Variants in FUCA1 observed in about 807,000 individuals in gnomAD.
The protein encoded by FUCA1 is tissue alpha-L-fucosidase.
A neutral mutation model predicts 56.8 loss-of-function variants in FUCA1; 52 were observed. That is an observed-to-expected ratio of 0.92 (90% confidence interval 0.73 to 1.15). The LOEUF is 1.15. FUCA1 is among the 50% of genes most tolerant of loss of function. FUCA1 has a pLI of 0.00. For synonymous variants in FUCA1, 230 were observed against 226.6 expected, an observed-to-expected ratio of 1.02 and a Z score of -0.14; for missense variants, 568 against 592.6, an observed-to-expected ratio of 0.96 and a Z score of 0.43.
At chr1:23,856,640 G>C (rs1370129489) in intron 4 of FUCA1, among the ~76,000 whole-genome samples, 3 of 152,210 alleles carry the variant, frequency 2.0e-5, no homozygotes, top group Non-Finnish European at 4.4e-5. Context: ...CGAAGCTACT[G>C]TGAAGATGGG....
intron 3 of FUCA1, among the ~76,000 whole-genome samples, chr1:23,862,126 C>G (rs552944680): frequency 6.6e-6 from 1 of 152,282 alleles, no homozygotes; most frequent in African/African-American, 2.4e-5. Context: ...ACAATTGTTA[C>G]TATTTTCTTA....
At chr1:23,848,213 GC>G (rs1319147615) in intron 6 of FUCA1, among the ~76,000 whole-genome samples, 1 of 151,916 alleles carries the variant, frequency 6.6e-6, no homozygotes, top group Non-Finnish European at 1.5e-5. Flanking sequence ...TTTGTGCCTG[GC>G]ACTCATCTCA....
rs1349221851 is a variant in FUCA1 at position 23,846,108 on chromosome 1, T to A, written c.1226A>T (p.Asn409Ile). Reference protein sequence around the residue: ...FLHWPENGVLNLESPITTSTT... With the variant: ...FLHWPENGVLILESPITTSTT... The stretch of plus-strand genomic sequence containing the variant: ...TGAGGTAGTTATGGGGGATTCAAGG[T>A]TTAAGACTCCATTTTCTGGCCAGTG... The change falls in exon 7 of 8, where the codon AAC becomes ATC. Residue 409 changes from asparagine (N) to isoleucine (I), a missense_variant. By Grantham distance (149) the Asn-to-Ile change is moderately radical (BLOSUM62 -3). Transcript: ENST00000374479. The A allele has an allele frequency of 6.2e-7, 1 of 1,614,108 alleles. No homozygotes were observed. Among genetic ancestry groups the A allele is most frequent in the Admixed American group, 1.7e-5 (1 of 60,014 alleles).
At chr1:23,846,701 G>C (rs970407851) in intron 6 of FUCA1, among the ~76,000 whole-genome samples, 1 of 151,844 alleles carries the variant, frequency 6.6e-6, no homozygotes, top group Admixed American at 6.6e-5. Flanking sequence ...CCTGCCTCAG[G>C]CTCCTGAGTA....
chr1:23,850,316 CAA>C (rs11425085), intron 5 of FUCA1, among the ~76,000 whole-genome samples: 14,901 of 129,424 alleles, frequency 0.12, 820 homozygotes, highest in East Asian at 0.21. Flanking sequence ...AATTCCATCT[CAA>C]AAAAAAAAAA....
At chr1:23,851,135 C>T (rs755670444) in intron 5 of FUCA1, among the ~76,000 whole-genome samples, 13 of 151,842 alleles carry the variant, frequency 8.6e-5, no homozygotes, top group Admixed American at 6.6e-4. Flanking sequence ...TTAAATTTGT[C>T]AACATTTTTA....
Position 23,851,403 on chromosome 1 carries a change from TAC to T in FUCA1, c.970-2566_970-2565del, listed in dbSNP as rs1285162641. ...ATATACACATACATACATACATACA[TAC>T]ATACATACATACATACATACATACA... is the stretch of plus-strand genomic sequence containing the variant. On this transcript the variant is annotated intron_variant, in intron 5 of 7. Coordinates refer to ENST00000374479, the MANE Select transcript of FUCA1 (RefSeq NM_000147.5). 2.3e-3 allele frequency among the ~76,000 whole-genome samples: 347 copies of T among 151,934 alleles called. 2 individuals are homozygous for T. Among genetic ancestry groups the T allele is most frequent in the African/African-American group, 8.0e-3 (333 of 41,426 alleles).
At chr1:23,846,571 CCTT>C (rs1557504945) in intron 6 of FUCA1, among the ~76,000 whole-genome samples, 3 of 149,852 alleles carry the variant, frequency 2.0e-5, no homozygotes, top group African/African-American at 7.4e-5. Context: ...GCACTCAGCT[CCTT>C]ATTTATTTTT....
chr1:23,858,257 T>TG (rs1639435221), intron 4 of FUCA1, among the ~76,000 whole-genome samples: 1 of 150,440 alleles, frequency 6.6e-6, no homozygotes. Flanking sequence ...TTAGTAGAGA[T>TG]GGGGTTTCAC....
In FUCA1 at chr1:23,845,614, G is replaced by A. The variant is rs1213515182; in HGVS notation, c.*101C>T. The A allele has an allele frequency of 2.1e-6, 3 of 1,402,938 alleles. No homozygotes were observed. In the African/African-American group the frequency reaches 4.3e-5, roughly 20 times the overall value. 86.9% of individuals were successfully genotyped at this position (1,402,938 alleles called of 1,614,324 possible). ...AATGTGTTGGAAAAGCCATCTCTGG[G>A]TGGAGAAGAGAAGTTCGTTGATTAT... On this transcript the variant is annotated 3_prime_UTR_variant, in exon 8 of 8. Coordinates refer to ENST00000374479, the MANE Select transcript of FUCA1 (RefSeq NM_000147.5).
chr1:23,863,547 A>G (rs1285509401), intron 2 of FUCA1, among the ~76,000 whole-genome samples: 2 of 152,198 alleles, frequency 1.3e-5, no homozygotes, highest in Non-Finnish European at 2.9e-5. Context: ...TTTTAAGTCA[A>G]TTATCCCAAC....
chr1:23,865,023 G>A (rs1639594885), intron 2 of FUCA1, among the ~76,000 whole-genome samples: 1 of 152,136 alleles, frequency 6.6e-6, no homozygotes, highest in Admixed American at 6.6e-5. Flanking sequence ...TAAAGATCCA[G>A]ACAGTGTTTT....
rs576200685 is a variant in FUCA1 at position 23,845,467 on chromosome 1, G to C, written c.*248C>G. On this transcript the variant is annotated 3_prime_UTR_variant, in exon 8 of 8. Coordinates refer to ENST00000374479, the MANE Select transcript of FUCA1 (RefSeq NM_000147.5). ...ATAATTTCCAAATATTACAATTGAT[G>C]AACTCAGAGTTCAACTGCTCAGTTC... 4.0e-4 allele frequency: 217 copies of C among 549,098 alleles called. 1 individual carries two copies. The highest frequency in any genetic ancestry group is 3.5e-3 in the African/African-American group (187 of 52,892). The allele number at this position is 549,098 out of a possible 1,614,324, so 34.0% of individuals were successfully genotyped here.
chr1:23,868,261 C>T lies in FUCA1; in HGVS notation c.26G>A (p.Arg9Gln), dbSNP rs567536324. 9.6e-6 allele frequency: 15 copies of T among 1,556,858 alleles called. No homozygotes were observed. The South Asian group carries it at 1.5e-4, about 16-fold the overall frequency. ...CAGCAACAGCGCGGGACCCGCCGGC[C>T]GCGACCTCATCCCCGGAGCCCGCAT... is the stretch of plus-strand genomic sequence containing the variant. MRAPGMRS[R>Q]PAGPALLLLL... is the part of the protein sequence containing the mutation. Residue 9 changes from arginine to glutamine, a missense_variant, in exon 1 of 8, where the codon CGG becomes CAG. Transcript: ENST00000374479.
intron 5 of FUCA1, among the ~76,000 whole-genome samples, chr1:23,850,397 T>C (rs1639231229): frequency 6.6e-6 from 1 of 152,098 alleles, no homozygotes; most frequent in Admixed American, 6.5e-5. Flanking sequence ...CATTAACTTT[T>C]GATGTCTTCT....
At chr1:23,854,329 A>G (rs777049273) in intron 5 of FUCA1, 31 bp downstream of exon 5, 2 of 1,564,108 alleles carry the variant, frequency 1.3e-6, no homozygotes, top group Non-Finnish European at 1.8e-6. Context: ...AAAAAAAAAA[A>G]CAAAAACAAA....
chr1:23,864,729 G>T (rs12133557), intron 2 of FUCA1, among the ~76,000 whole-genome samples: 14,899 of 150,196 alleles, frequency 0.099, 822 homozygotes, highest in East Asian at 0.21. Flanking sequence ...TTTTGAGACG[G>T]AGTCTCGCTC....
chr1:23,855,522 C>G (rs1639373535), intron 4 of FUCA1, among the ~76,000 whole-genome samples: 2 of 152,264 alleles, frequency 1.3e-5, no homozygotes, highest in African/African-American at 4.8e-5. Flanking sequence ...AAAAACAAAA[C>G]TGAAACCATG....
intron 2 of FUCA1, 136 bp downstream of exon 2, chr1:23,865,355 C>T (rs764782206): frequency 9.1e-7 from 1 of 1,100,352 alleles, no homozygotes; most frequent in Non-Finnish European, 1.4e-6. Context: ...AGAAAACACA[C>T]AGGAGTAGAA....
Sources: allele counts gnomAD v4.1 joint callset (sites outside exome capture counted in the v4.1 genomes callset), GRCh38; gene constraint gnomAD v4.1.1; transcripts MANE v1.5; gene names NCBI Gene and HGNC (gene_info 2026-07-23, HGNC 2026-07-21).